Variants in FAM107B observed in about 807,000 individuals in gnomAD.
The protein encoded by FAM107B is family with sequence similarity 107 member B.
FAM107B carries 21 observed loss-of-function variants against 31.5 expected under a neutral mutation model. The ratio of observed to expected loss-of-function variants is 0.67; its 90% CI spans 0.47 to 0.96. The LOEUF is 0.96. FAM107B is among the 40% of genes least tolerant of loss of function. The pLI is 0.00. For synonymous variants in FAM107B, 157 were observed against 141.5 expected (o/e 1.11, Z -0.78); for missense variants, 452 against 377.1 (o/e 1.20, Z -1.64).
At chr10:14,769,952 T>C (rs941169751) in intron 1 of FAM107B, among the ~76,000 whole-genome samples, 5 of 152,208 alleles carry the variant, frequency 3.3e-5, no homozygotes, top group African/African-American at 1.2e-4. Flanking sequence ...CAGTGTTAAG[T>C]TGGATTCGCA....
At chr10:14,659,590 G>A (rs66513357) in intron 2 of FAM107B, among the ~76,000 whole-genome samples, 11,077 of 152,214 alleles carry the variant, frequency 0.073, 438 homozygotes, top group East Asian at 0.19. Flanking sequence ...TGTGGCCAAA[G>A]ACTCAGAAAA....
intron 2 of FAM107B, among the ~76,000 whole-genome samples, chr10:14,536,214 C>T (rs1007826813): frequency 3.3e-5 from 5 of 152,218 alleles, no homozygotes; most frequent in African/African-American, 1.2e-4. Context: ...AGACCTAATT[C>T]TATCTAGAAG....
intron 2 of FAM107B, among the ~76,000 whole-genome samples, chr10:14,601,865 C>T (rs1453877019): frequency 6.6e-6 from 1 of 152,192 alleles, no homozygotes; most frequent in African/African-American, 2.4e-5. Context: ...ATCAGTAAAA[C>T]TCTTTTCCAC....
At chr10:14,767,053 TATAGAGAGAGAGAGAGAGAGAG>T (rs1371964536) in intron 1 of FAM107B, among the ~76,000 whole-genome samples, 2 of 26,406 alleles carry the variant, frequency 7.6e-5, no homozygotes, top group African/African-American at 1.3e-4. Flanking sequence ...TATATATATA[TATAGAGAGAGAGAGAGAGAGAG>T]AGAGAGAGAG....
intron 2 of FAM107B, among the ~76,000 whole-genome samples, chr10:14,585,190 T>G (rs1851782993): frequency 6.6e-6 from 1 of 152,178 alleles, no homozygotes; most frequent in South Asian, 2.1e-4. Context: ...TTCAATAAAT[T>G]TCTGCTTTTG....
chr10:14,708,923 CAAT>C (rs1357098930), intron 1 of FAM107B, among the ~76,000 whole-genome samples: 72 of 35,214 alleles, frequency 2.0e-3, no homozygotes, highest in African/African-American at 5.7e-3. Flanking sequence ...CAGATTAAAA[CAAT>C]GGAAAATTAG....
At chr10:14,626,439 G>A (rs904955048) in intron 2 of FAM107B, among the ~76,000 whole-genome samples, 1 of 151,152 alleles carries the variant, frequency 6.6e-6, no homozygotes, top group African/African-American at 2.4e-5. Context: ...TCTCATTTGG[G>A]TTGTTAGTTA....
chr10:14,565,419 G>C (rs1850580698), intron 2 of FAM107B, among the ~76,000 whole-genome samples: 1 of 152,112 alleles, frequency 6.6e-6, no homozygotes, highest in Non-Finnish European at 1.5e-5. Flanking sequence ...AAGAAAGATG[G>C]GACTCAAGCC....
intron 2 of FAM107B, among the ~76,000 whole-genome samples, chr10:14,592,433 C>T (rs1341566021): frequency 6.6e-6 from 1 of 152,060 alleles, no homozygotes; most frequent in Non-Finnish European, 1.5e-5. Flanking sequence ...CAATTTATCA[C>T]GTGAATCAAA....
At chr10:14,635,695 G>A (rs1030390190) in intron 2 of FAM107B, among the ~76,000 whole-genome samples, 9 of 152,178 alleles carry the variant, frequency 5.9e-5, no homozygotes, top group African/African-American at 2.2e-4. Context: ...ACAGTGGCGT[G>A]ATCTCAGCTC....
chr10:14,711,788 C>T (rs1167501119), intron 1 of FAM107B, among the ~76,000 whole-genome samples: 1 of 152,160 alleles, frequency 6.6e-6, no homozygotes, highest in African/African-American at 2.4e-5. Flanking sequence ...GTATCACAGG[C>T]ACCTGCCACT....
chr10:14,612,038 C>A (rs1852740242), intron 2 of FAM107B, among the ~76,000 whole-genome samples: 1 of 151,900 alleles, frequency 6.6e-6, no homozygotes, highest in East Asian at 1.9e-4. Context: ...ATAAAAAGTT[C>A]CAGCTTTAGT....
rs189455877 is a variant in FAM107B, at chr10:14,549,061, T to A, written c.470-18546A>T. On this transcript the variant is annotated intron_variant, in intron 2 of 4. Coordinates refer to ENST00000181796, the MANE Select transcript of FAM107B (RefSeq NM_031453.4). ...CTCTCCCTGTACTCTCCAGCCTCAA[T>A]GCCATGTGAGGACACAATGAGAAGA... Among the ~76,000 whole-genome samples, 332 of 152,306 alleles carry A rather than the reference T, an allele frequency of 2.2e-3. 1 individual carries two copies. Among genetic ancestry groups the A allele is most frequent in the Non-Finnish European group, 4.0e-3 (271 of 68,026 alleles).
Position 14,576,529 on chromosome 10 carries a change from A to AAAC in FAM107B, c.470-46017_470-46015dup, listed in dbSNP as rs113340570. Among the ~76,000 whole-genome samples, 103 of 147,304 alleles carry AAAC rather than the reference A, an allele frequency of 7.0e-4. No homozygotes were observed. The South Asian group carries it at 8.0e-3, about 11-fold the overall frequency. ...GCAACAGTGCAAGACTACATCTCAA[A>AAAC]AACAACAACAACAACAACAACAAAA... On this transcript the variant is annotated intron_variant, in intron 2 of 4. Coordinates refer to ENST00000181796, the MANE Select transcript of FAM107B (RefSeq NM_031453.4).
intron 2 of FAM107B, among the ~76,000 whole-genome samples, chr10:14,552,988 A>C (rs934866444): frequency 6.6e-6 from 1 of 152,222 alleles, no homozygotes; most frequent in Non-Finnish European, 1.5e-5. Context: ...TAGCGAAAGC[A>C]CACAAAAACG....
At chr10:14,699,304 A>G (rs1855341326) in intron 1 of FAM107B, among the ~76,000 whole-genome samples, 1 of 152,192 alleles carries the variant, frequency 6.6e-6, no homozygotes, top group Non-Finnish European at 1.5e-5. Flanking sequence ...CTTATGAAGT[A>G]TTGTCTCACA....
intron 1 of FAM107B, among the ~76,000 whole-genome samples, chr10:14,725,157 T>G (rs1856001819): frequency 6.6e-6 from 1 of 152,158 alleles, no homozygotes; most frequent in Non-Finnish European, 1.5e-5. Flanking sequence ...GCTGAGACTC[T>G]CAGACGGTCA....
chr10:14,582,859 G>T (rs532792151), intron 2 of FAM107B, among the ~76,000 whole-genome samples: 6 of 152,170 alleles, frequency 3.9e-5, no homozygotes, highest in Non-Finnish European at 2.9e-5. Flanking sequence ...GCCAAGGCAC[G>T]TGAACCACCT....
intron 1 of FAM107B, among the ~76,000 whole-genome samples, chr10:14,755,327 A>G (rs1485143435): frequency 2.0e-5 from 3 of 152,090 alleles, no homozygotes. Context: ...TCCCCACCTG[A>G]GGTCAGGAGT....
Sources: gnomAD v4.1 joint callset for allele counts (sites outside exome capture counted in the v4.1 genomes callset) on GRCh38, gnomAD v4.1.1 for gene constraint, MANE v1.5 for transcripts, NCBI Gene and HGNC (gene_info 2026-07-23, HGNC 2026-07-21) for gene names.